Variants in C3orf49 observed in about 807,000 individuals in gnomAD.
C3orf49 encodes the protein putative uncharacterized protein C3orf49.
In C3orf49, 27 loss-of-function variants were observed where a neutral mutation model predicts 13.3. The ratio of observed to expected loss-of-function variants is 2.02; its 90% confidence interval spans 1.49 to 2.79. The LOEUF (loss-of-function observed/expected upper bound fraction) is 2.79, where lower values mean the gene tolerates loss of function less well. C3orf49 is among the 30% of genes most tolerant of loss of function. The pLI, the probability that C3orf49 is intolerant of heterozygous loss-of-function variation, is 0.00. For missense variants in C3orf49, 242 were observed against 134.2 expected (o/e 1.80, Z -3.97); for synonymous variants, 87 against 47.6 (o/e 1.83, Z -3.40).
At chr3:63,826,952 A>C (rs1231326498) in intron 2 of C3orf49, 4 of 150,936 alleles carry the variant, frequency 2.7e-5, no homozygotes, top group Admixed American at 2.0e-4. Context: ...CCATCTCAGA[A>C]AAAAAAAAAG....
the C3orf49 span, among the ~76,000 whole-genome samples, chr3:63,793,403 C>A: frequency 6.6e-6 from 1 of 152,064 alleles, no homozygotes; most frequent in East Asian, 1.9e-4. Context: ...ATCAGCAACC[C>A]CCCTTTTATC....
At chr3:63,811,420 T>C in the C3orf49 span, among the ~76,000 whole-genome samples, 1 of 151,678 alleles carries the variant, frequency 6.6e-6, no homozygotes, top group Admixed American at 6.6e-5. Flanking sequence ...TAGCCGAGCA[T>C]GGGGGCGGAG....
At chr3:63,810,612 T>G in the C3orf49 span, among the ~76,000 whole-genome samples, 1 of 152,234 alleles carries the variant, frequency 6.6e-6, no homozygotes, top group East Asian at 1.9e-4. Context: ...TTCCACAGGT[T>G]GGGCCATGTC....
At chr3:63,833,089 A>C (rs1386832995) in intron 5 of C3orf49, among the ~76,000 whole-genome samples, 6 of 151,978 alleles carry the variant, frequency 3.9e-5, no homozygotes, top group Admixed American at 2.0e-4. Flanking sequence ...TTCTTTATGC[A>C]AGACAATCTT....
chr3:63,812,575 C>T, the C3orf49 span, among the ~76,000 whole-genome samples: 1 of 152,128 alleles, frequency 6.6e-6, no homozygotes, highest in Non-Finnish European at 1.5e-5. Context: ...TATCATTTAT[C>T]CTTATTTTAC....
intron 2 of C3orf49, chr3:63,826,928 GAC>G (rs1701470213): frequency 6.6e-6 from 1 of 151,516 alleles, no homozygotes; most frequent in African/African-American, 2.4e-5. Context: ...CAGCCTGTGC[GAC>G]AGAGCGAGAC....
chr3:63,792,557 G>A, the C3orf49 span, among the ~76,000 whole-genome samples: 6 of 152,208 alleles, frequency 3.9e-5, no homozygotes, highest in Middle Eastern at 3.4e-3. Flanking sequence ...TGACGTTAGG[G>A]TAGAAGACCA....
At chr3:63,792,878 G>A in the C3orf49 span, among the ~76,000 whole-genome samples, 6 of 152,150 alleles carry the variant, frequency 3.9e-5, no homozygotes, top group Non-Finnish European at 5.9e-5. Flanking sequence ...ATTTGTGTGC[G>A]TCGGCACTAT....
At chr3:63,786,840 C>T in the C3orf49 span, among the ~76,000 whole-genome samples, 2 of 152,302 alleles carry the variant, frequency 1.3e-5, no homozygotes, top group Admixed American at 1.3e-4. Flanking sequence ...AGTCACTTTA[C>T]ATCATGTCTC....
chr3:63,839,631 G>A (rs768983209), intron 5 of C3orf49: 1 of 1,586,462 alleles, frequency 6.3e-7, no homozygotes, highest in South Asian at 1.1e-5. Flanking sequence ...ACACTGGTAT[G>A]GAAACAACAG....
At chr3:63,821,805 G>A (rs1225201219) in intron 1 of C3orf49, among the ~76,000 whole-genome samples, 2 of 152,104 alleles carry the variant, frequency 1.3e-5, no homozygotes, top group Non-Finnish European at 2.9e-5. Flanking sequence ...GGGGGGACCA[G>A]TGGATAGTGG....
chr3:63,814,157 A>C, the C3orf49 span, among the ~76,000 whole-genome samples: 1 of 152,188 alleles, frequency 6.6e-6, no homozygotes, highest in Non-Finnish European at 1.5e-5. Flanking sequence ...GCTTAGGGGA[A>C]AATCACCTTT....
chr3:63,783,134 C>T, the C3orf49 span: 3 of 152,142 alleles, frequency 2.0e-5, no homozygotes, highest in Non-Finnish European at 4.4e-5. Context: ...AGATTTAGCA[C>T]TGTAAGTCTC....
At chr3:63,835,421 C>A in intron 5 of C3orf49, 1 of 1,603,414 alleles carries the variant, frequency 6.2e-7, no homozygotes. Flanking sequence ...TTACATTTTG[C>A]TGAATGGGGG....
intron 3 of C3orf49, among the ~76,000 whole-genome samples, chr3:63,830,783 TCTTA>T (rs1000161965): frequency 6.6e-6 from 1 of 152,136 alleles, no homozygotes; most frequent in African/African-American, 2.4e-5. Flanking sequence ...GGCCCCACAC[TCTTA>T]CTGTGCTCAG....
the C3orf49 span, among the ~76,000 whole-genome samples, chr3:63,784,567 A>AT: frequency 6.6e-5 from 10 of 152,072 alleles, no homozygotes; most frequent in African/African-American, 1.4e-4. Flanking sequence ...AGCATATCCC[A>AT]TTTTTTTGGC....
the C3orf49 span, among the ~76,000 whole-genome samples, chr3:63,811,909 A>G: frequency 1.3e-5 from 2 of 151,536 alleles, no homozygotes; most frequent in Non-Finnish European, 2.9e-5. Context: ...GAAAAAATAT[A>G]TTAAAAATAA....
chr3:63,840,079 C>G (rs1701726432), intron 5 of C3orf49, among the ~76,000 whole-genome samples: 1 of 152,120 alleles, frequency 6.6e-6, no homozygotes, highest in African/African-American at 2.4e-5. Context: ...GACATCGTTA[C>G]AGAGTTGGCA....
At chr3:63,807,023 CT>C in the C3orf49 span, among the ~76,000 whole-genome samples, 1 of 151,968 alleles carries the variant, frequency 6.6e-6, no homozygotes, top group Non-Finnish European at 1.5e-5. Flanking sequence ...ATGATCTTGG[CT>C]CACTGCAAGC....
Sources: gnomAD v4.1 joint callset for allele counts (sites outside exome capture counted in the v4.1 genomes callset) on GRCh38, gnomAD v4.1.1 for gene constraint, MANE v1.5 for transcripts, NCBI Gene and HGNC (gene_info 2026-07-23, HGNC 2026-07-21) for gene names.